STIP1: variants seen among roughly 807,000 people sequenced by gnomAD.
STIP1 encodes the protein stress-induced-phosphoprotein 1.
In STIP1, 16 loss-of-function variants were observed where a neutral mutation model predicts 77.4. The ratio of observed to expected loss-of-function variants is 0.21; its 90% confidence interval spans 0.14 to 0.31. The LOEUF (loss-of-function observed/expected upper bound fraction) is 0.31, where lower values mean the gene tolerates loss of function less well. Ranked by LOEUF, STIP1 falls within the 10% of genes least tolerant of loss-of-function variation. The pLI, the probability that STIP1 is intolerant of heterozygous loss-of-function variation, is 1.00. For synonymous variants in STIP1, 258 were observed against 246.6 expected, an observed-to-expected ratio of 1.05 and a Z score of -0.44; for missense variants, 524 against 684.8, an observed-to-expected ratio of 0.77 and a Z score of 2.62.
At chr11:64,186,313 GACC>G in intron 1 of STIP1, 43 bp downstream of exon 1, 2 of 719,222 alleles carry the variant, frequency 2.8e-6, no homozygotes, top group Non-Finnish European at 2.1e-6. Context: ...CCTGCTCGGG[GACC>G]GGCGGTGGCC....
chr11:64,197,062 G>A (rs916922838), intron 5 of STIP1: 1 of 618,914 alleles, frequency 1.6e-6, no homozygotes, highest in Non-Finnish European at 2.8e-6. Context: ...TGGAAAAGGG[G>A]GAGTTTCAGA....
intron 2 of STIP1, among the ~76,000 whole-genome samples, chr11:64,193,948 A>G (rs368688236): frequency 2.6e-5 from 4 of 152,228 alleles, no homozygotes; most frequent in African/African-American, 9.6e-5. Flanking sequence ...AGTGTTGCCA[A>G]AGAAACTGAC....
At position 64,203,189 on chromosome 11, in the gene STIP1, T is replaced by C; in HGVS notation, c.1347T>C (p.Asp449=). Residue 449 remains aspartate, a synonymous_variant, in exon 12 of 14, where the codon GAT becomes GAC. Coordinates refer to ENST00000305218, the MANE Select transcript of STIP1 (RefSeq NM_006819.3). ...TGAAGGACTACACCAAAGCCATGGA[T>C]GTGTACCAGAAGGCGCTAGACCTGG... The part of the protein sequence containing the change: ...EAMKDYTKAM[D]VYQKALDLDS... The C allele has an allele frequency of 6.2e-7, 1 of 1,614,196 alleles. No homozygotes were observed. Among genetic ancestry groups the C allele is most frequent in the South Asian group, 1.1e-5 (1 of 91,088 alleles).
chr11:64,188,952 C>T (rs950299193), intron 1 of STIP1, among the ~76,000 whole-genome samples: 2 of 152,212 alleles, frequency 1.3e-5, no homozygotes, highest in African/African-American at 2.4e-5. Flanking sequence ...TGCAGTGGCT[C>T]ACACTTGTAA....
intron 5 of STIP1, 139 bp from the exon 6 acceptor site, chr11:64,197,132 A>G: frequency 1.9e-6 from 2 of 1,069,646 alleles, no homozygotes; most frequent in South Asian, 3.3e-5. Context: ...TCTATAGCTG[A>G]CTGATGAAGA....
At chr11:64,201,357 G>A (rs1329442078) in intron 10 of STIP1, among the ~76,000 whole-genome samples, 1 of 152,136 alleles carries the variant, frequency 6.6e-6, no homozygotes, top group Admixed American at 6.5e-5. Context: ...TTATTTTTGA[G>A]GAACCACCAT....
chr11:64,198,203 G>T (rs548148681), intron 8 of STIP1, among the ~76,000 whole-genome samples: 1 of 151,658 alleles, frequency 6.6e-6, no homozygotes, highest in African/African-American at 2.4e-5. Context: ...TTACAGGCAC[G>T]TGCCACCACG....
intron 11 of STIP1, 84 bp from the exon 12 acceptor site, chr11:64,203,039 GAA>G: frequency 6.3e-7 from 1 of 1,592,602 alleles, no homozygotes; most frequent in East Asian, 2.2e-5. Flanking sequence ...CAGCAGGTGT[GAA>G]CAGTGTTGGT....
At chr11:64,197,464 T>C in intron 6 of STIP1, 29 bp from the exon 7 acceptor site, 1 of 1,614,140 alleles carries the variant, frequency 6.2e-7, no homozygotes, top group Non-Finnish European at 8.5e-7. Flanking sequence ...AAAGACTGAC[T>C]GTTCCTTCTT....
chr11:64,201,275 A>G (rs1946217289), intron 10 of STIP1, among the ~76,000 whole-genome samples: 1 of 152,208 alleles, frequency 6.6e-6, no homozygotes, highest in African/African-American at 2.4e-5. Flanking sequence ...TCCTGGGCTC[A>G]AGCGAGCCTC....
chr11:64,186,322 T>G (rs2134775387), intron 1 of STIP1, 52 bp downstream of exon 1: 3 of 191,966 alleles, frequency 1.6e-5, no homozygotes, highest in Admixed American at 7.0e-5. Context: ...GGACCGGCGG[T>G]GGCCAGGCCG....
intron 7 of STIP1, 86 bp downstream of exon 7, chr11:64,197,681 G>A: frequency 6.4e-7 from 1 of 1,566,650 alleles, no homozygotes; most frequent in Non-Finnish European, 8.8e-7. Context: ...GAGGAGGGCT[G>A]CTGGCCATAG....
Position 64,203,121 on chromosome 11 carries a change from G to A in STIP1, c.1283-4G>A. 6.2e-7 allele frequency: 1 copy of A among 1,614,178 alleles called. No homozygotes were observed. Among genetic ancestry groups the A allele is most frequent in the African/African-American group, 1.3e-5 (1 of 75,062 alleles). On this transcript the variant is annotated splice_region_variant and splice_polypyrimidine_tract_variant and intron_variant, in intron 11 of 13. Coordinates refer to ENST00000305218, the MANE Select transcript of STIP1 (RefSeq NM_006819.3). ...GGATAACGCGCCACCTTTCCTGTTT[G>A]TAGTCAAGGGTTATACACGGAAAGC...
At chr11:64,192,997 C>T in intron 1 of STIP1, 81 bp from the exon 2 acceptor site, 2 of 1,341,132 alleles carry the variant, frequency 1.5e-6, no homozygotes, top group Non-Finnish European at 1.1e-6. Flanking sequence ...TTGGTAACTA[C>T]ATGAAAGAAT....
intron 6 of STIP1, 28 bp from the exon 7 acceptor site, chr11:64,197,465 G>A: frequency 6.2e-7 from 1 of 1,614,110 alleles, no homozygotes; most frequent in Non-Finnish European, 8.5e-7. Flanking sequence ...AAGACTGACT[G>A]TTCCTTCTTA....
chr11:64,198,757 T>A (rs1946179934), intron 8 of STIP1, among the ~76,000 whole-genome samples: 2 of 150,456 alleles, frequency 1.3e-5, no homozygotes, highest in African/African-American at 4.8e-5. Flanking sequence ...TTTGTGGTTT[T>A]TTTTTTTTTT....
At chr11:64,192,268 C>T (rs1036114934) in intron 1 of STIP1, among the ~76,000 whole-genome samples, 4 of 152,206 alleles carry the variant, frequency 2.6e-5, no homozygotes, top group Admixed American at 6.5e-5. Flanking sequence ...GAGCCGAGAT[C>T]GTGCCACTGC....
chr11:64,185,911 G>A, upstream of STIP1: 1 of 1,536,274 alleles, frequency 6.5e-7, no homozygotes, highest in Non-Finnish European at 8.7e-7. Flanking sequence ...ACGATTGGCA[G>A]TGCAAAAGAC....
At chr11:64,197,122 T>C (rs1419443393) in intron 5 of STIP1, 149 bp from the exon 6 acceptor site, 1 of 992,188 alleles carries the variant, frequency 1.0e-6, no homozygotes, top group African/African-American at 1.6e-5. Context: ...TACTTTATTG[T>C]CTATAGCTGA....
Sources: allele counts gnomAD v4.1 joint callset (sites outside exome capture counted in the v4.1 genomes callset), GRCh38; gene constraint gnomAD v4.1.1; transcripts MANE v1.5; gene names NCBI Gene and HGNC (gene_info 2026-07-23, HGNC 2026-07-21).